CSTA: variants seen among roughly 807,000 people sequenced by gnomAD.
CSTA encodes the protein cystatin-A.
CSTA carries 9 observed loss-of-function variants against 9.2 expected under a neutral mutation model. The ratio of observed to expected loss-of-function variants is 0.97; its 90% CI spans 0.59 to 1.70. The LOEUF (loss-of-function observed/expected upper bound fraction) is 1.70. CSTA is among the 40% of genes most tolerant of loss of function. The probability of loss-of-function intolerance (pLI) is 0.00; values close to 1 mark genes in which losing one functional copy is unlikely to be tolerated. For missense variants in CSTA, 118 were observed against 113.1 expected, an observed-to-expected ratio of 1.04 and a Z score of -0.20; for synonymous variants, 36 against 40.6, an observed-to-expected ratio of 0.89 and a Z score of 0.43.
intron 1 of CSTA, among the ~76,000 whole-genome samples, chr3:122,330,453 A>G (rs1430782882): frequency 6.6e-6 from 1 of 152,230 alleles, no homozygotes; most frequent in African/African-American, 2.4e-5. Context: ...GGAATTTGAT[A>G]TCACAGTGAA....
chr3:122,337,442 C>T, intron 1 of CSTA, 105 bp from the exon 2 acceptor site: 1 of 727,984 alleles, frequency 1.4e-6, no homozygotes, highest in South Asian at 1.6e-5. Flanking sequence ...GATTTCATTA[C>T]CATCTTTGAA....
intron 2 of CSTA, among the ~76,000 whole-genome samples, chr3:122,340,053 T>G (rs961532150): frequency 1.3e-5 from 2 of 152,214 alleles, no homozygotes; most frequent in African/African-American, 4.8e-5. Flanking sequence ...AATATAATCA[T>G]TTATATAAAA....
intron 1 of CSTA, among the ~76,000 whole-genome samples, chr3:122,326,789 C>T (rs985169019): frequency 1.3e-5 from 2 of 152,224 alleles, no homozygotes; most frequent in Admixed American, 6.5e-5. Flanking sequence ...TCTTGATAAA[C>T]CTTAGATTCT....
intron 1 of CSTA, among the ~76,000 whole-genome samples, chr3:122,326,627 C>G (rs945069643): frequency 2.6e-5 from 4 of 152,182 alleles, no homozygotes; most frequent in Admixed American, 1.3e-4. Flanking sequence ...TTCTTGGGGA[C>G]TAATTATTTC....
In CSTA at chr3:122,341,837, C is replaced by T. The variant is rs900941108; in HGVS notation, c.*270C>T. On this transcript the variant is annotated 3_prime_UTR_variant, in exon 3 of 3. Coordinates refer to ENST00000264474, the MANE Select transcript of CSTA (RefSeq NM_005213.4). ...TGCAACTGGCTAAAGGATAGTACCA[C>T]CCTCACCCCCACCATAGGCAGGCTG... 5 of 409,282 alleles carry T rather than the reference C, an allele frequency of 1.2e-5. No individual in the cohort carries two copies. Among genetic ancestry groups the T allele is most frequent in the African/African-American group, 1.0e-4 (5 of 49,212 alleles). 25.4% of individuals were successfully genotyped at this position (409,282 alleles called of 1,614,324 possible). A position where few individuals can be genotyped will look rare whatever the true frequency, so the allele number is the denominator to read the frequency against.
chr3:122,341,493 G>A lies in CSTA; in HGVS notation c.223G>A (p.Gly75Arg), dbSNP rs201579531. 67 of 1,613,890 alleles carry A rather than the reference G, an allele frequency of 4.2e-5. No individual in the cohort carries two copies. In the African/African-American group the frequency reaches 4.5e-4, roughly 11 times the overall value. ...CTTGAAAGTATTCAAAAGTCTTCCC[G>A]GACAAAATGAGGACTTGGTACTTAC... ...MHLKVFKSLP[G>R]QNEDLVLTGY... Residue 75 changes from glycine (G) to arginine (R), a missense_variant, in exon 3 of 3, where the codon GGA becomes AGA. Gly to Arg is a moderately radical substitution (Grantham distance 125). Coordinates refer to ENST00000264474, the MANE Select transcript of CSTA (RefSeq NM_005213.4).
chr3:122,330,202 C>G (rs1386493502), intron 1 of CSTA, among the ~76,000 whole-genome samples: 3 of 152,246 alleles, frequency 2.0e-5, no homozygotes, highest in Non-Finnish European at 4.4e-5. Flanking sequence ...CTACCTGTCA[C>G]TTACTTGCTA....
At chr3:122,328,501 A>C (rs1053680672) in intron 1 of CSTA, among the ~76,000 whole-genome samples, 4 of 122,888 alleles carry the variant, frequency 3.3e-5, no homozygotes, top group African/African-American at 8.3e-5. Flanking sequence ...TTCCATCTCA[A>C]AAAAAAAAAA....
intron 1 of CSTA, among the ~76,000 whole-genome samples, chr3:122,331,903 G>A (rs532882806): frequency 2.0e-5 from 3 of 152,196 alleles, no homozygotes; most frequent in Non-Finnish European, 2.9e-5. Flanking sequence ...GGGTGGAGGG[G>A]ATAGTTTTGG....
intron 1 of CSTA, among the ~76,000 whole-genome samples, chr3:122,333,325 A>G (rs1383361971): frequency 6.6e-6 from 1 of 152,166 alleles, no homozygotes; most frequent in African/African-American, 2.4e-5. Context: ...AGCCTGGCAA[A>G]CATGGTGAAA....
At chr3:122,325,843 GC>G (rs1337238912) in intron 1 of CSTA, among the ~76,000 whole-genome samples, 1 of 152,142 alleles carries the variant, frequency 6.6e-6, no homozygotes, top group Non-Finnish European at 1.5e-5. Context: ...ATACACTTTT[GC>G]CCAAATAGAT....
At chr3:122,336,169 C>A (rs1294840909) in intron 1 of CSTA, among the ~76,000 whole-genome samples, 1 of 152,200 alleles carries the variant, frequency 6.6e-6, no homozygotes, top group African/African-American at 2.4e-5. Context: ...ACAAGAGACA[C>A]AGCACCCAAA....
intron 1 of CSTA, among the ~76,000 whole-genome samples, chr3:122,334,991 C>G (rs1034194317): frequency 6.6e-6 from 1 of 152,158 alleles, no homozygotes; most frequent in Non-Finnish European, 1.5e-5. Context: ...GTTCCTTCTC[C>G]CTCACTGTCC....
intron 1 of CSTA, among the ~76,000 whole-genome samples, chr3:122,327,905 C>T (rs964985832): frequency 1.3e-5 from 2 of 152,044 alleles, no homozygotes; most frequent in African/African-American, 4.8e-5. Flanking sequence ...AAGAAGCTAC[C>T]AGAAGGCCTT....
intron 2 of CSTA, 175 bp downstream of exon 2, chr3:122,337,823 T>A: frequency 1.6e-6 from 1 of 643,806 alleles, no homozygotes; most frequent in South Asian, 1.8e-5. Context: ...GTGACACCAT[T>A]TTTTTTCTTG....
intron 1 of CSTA, among the ~76,000 whole-genome samples, chr3:122,333,732 AAG>A (rs71136565): frequency 0.1 from 13,945 of 135,980 alleles, 1,365 homozygotes; most frequent in East Asian, 0.43. Context: ...GAAAGAAAGA[AAG>A]AGAAAGAAAG....
chr3:122,328,163 G>A (rs1032594444), intron 1 of CSTA, among the ~76,000 whole-genome samples: 2 of 152,162 alleles, frequency 1.3e-5, no homozygotes, highest in African/African-American at 4.8e-5. Context: ...AAGATATTGT[G>A]TCTATCTTGC....
Position 122,341,959 on chromosome 3 carries a change from T to A in CSTA, c.*392T>A. The A allele has an allele frequency of 3.9e-6, 1 of 255,646 alleles. No homozygotes were observed. Among genetic ancestry groups the A allele is most frequent in the East Asian group, 9.3e-5 (1 of 10,698 alleles). 15.8% of individuals were successfully genotyped at this position (255,646 alleles called of 1,614,324 possible). On this transcript the variant is annotated 3_prime_UTR_variant, in exon 3 of 3. Coordinates refer to ENST00000264474, the MANE Select transcript of CSTA (RefSeq NM_005213.4). ...CCTCATACTTCAAAATTAAATCAAG[T>A]ATTTTACAAAGTGTGTGTGTGTGTG...
At chr3:122,332,460 C>G (rs1195289634) in intron 1 of CSTA, among the ~76,000 whole-genome samples, 1 of 152,204 alleles carries the variant, frequency 6.6e-6, no homozygotes, top group African/African-American at 2.4e-5. Context: ...AATTCATCCA[C>G]TTTGCCATCA....
Sources: gnomAD v4.1 joint callset for allele counts (sites outside exome capture counted in the v4.1 genomes callset) on GRCh38, gnomAD v4.1.1 for gene constraint, MANE v1.5 for transcripts, NCBI Gene and HGNC (gene_info 2026-07-23, HGNC 2026-07-21) for gene names.